SGCZ: variants seen among roughly 807,000 people sequenced by gnomAD.
SGCZ encodes the protein sarcoglycan zeta.
Under a neutral mutation model 41.3 loss-of-function variants are expected in SGCZ, and 40 were observed. The observed-to-expected ratio is 0.97, with a 90% CI of 0.75 to 1.26. The LOEUF is 1.26. Ranked by LOEUF, SGCZ falls within the 50% of genes most tolerant of loss-of-function variation. The probability of loss-of-function intolerance (pLI) is 0.00; values close to 1 mark genes in which losing one functional copy is unlikely to be tolerated. For missense variants in SGCZ, 552 were observed against 369.8 expected, an observed-to-expected ratio of 1.49 and a Z score of -4.04; for synonymous variants, 206 against 137.5, an observed-to-expected ratio of 1.50 and a Z score of -3.49.
At chr8:15,021,646 G>A (rs1195373134) in intron 1 of SGCZ, among the ~76,000 whole-genome samples, 1 of 152,230 alleles carries the variant, frequency 6.6e-6, no homozygotes, top group Non-Finnish European at 1.5e-5. Flanking sequence ...TGCGTGGGAT[G>A]TGACGTGTTA....
intron 1 of SGCZ, among the ~76,000 whole-genome samples, chr8:14,725,249 A>C (rs182145505): frequency 2.4e-4 from 36 of 152,324 alleles, no homozygotes; most frequent in Non-Finnish European, 2.9e-5. Context: ...GTTGATAGAC[A>C]CTTAATTCCC....
chr8:15,157,622 T>G (rs1227534994), intron 1 of SGCZ, among the ~76,000 whole-genome samples: 1 of 152,156 alleles, frequency 6.6e-6, no homozygotes, highest in East Asian at 1.9e-4. Flanking sequence ...CTACTAGGCT[T>G]ACAGCTCTGG....
At chr8:14,567,782 C>G (rs1383156684) in intron 1 of SGCZ, among the ~76,000 whole-genome samples, 1 of 152,186 alleles carries the variant, frequency 6.6e-6, no homozygotes, top group African/African-American at 2.4e-5. Context: ...CACGAACCCA[C>G]TGGGAGGAAT....
At chr8:15,011,507 AAATCTTT>A (rs1156293633) in intron 1 of SGCZ, among the ~76,000 whole-genome samples, 1 of 152,228 alleles carries the variant, frequency 6.6e-6, no homozygotes, top group African/African-American at 2.4e-5. Flanking sequence ...GAAATAATTT[AAATCTTT>A]AAGTTTACCT....
intron 1 of SGCZ, among the ~76,000 whole-genome samples, chr8:14,815,944 A>T (rs923101146): frequency 6.6e-6 from 1 of 152,214 alleles, no homozygotes; most frequent in Non-Finnish European, 1.5e-5. Flanking sequence ...CCTCTTTAGA[A>T]GCATCATCCA....
chr8:15,237,453 TC>T, intron 1 of SGCZ, 131 bp downstream of exon 1: 2 of 1,079,166 alleles, frequency 1.9e-6, no homozygotes, highest in East Asian at 2.6e-5. Flanking sequence ...CGGGTGCGCG[TC>T]CCCCCAACGC....
chr8:14,375,428 T>C (rs924655300), intron 2 of SGCZ, among the ~76,000 whole-genome samples: 28 of 152,258 alleles, frequency 1.8e-4, no homozygotes. Context: ...ACATAATTAT[T>C]AGGAAGGTTG....
At chr8:14,268,459 T>C (rs1799951327) in intron 3 of SGCZ, among the ~76,000 whole-genome samples, 1 of 151,696 alleles carries the variant, frequency 6.6e-6, no homozygotes, top group Non-Finnish European at 1.5e-5. Context: ...GGCATTCAAA[T>C]AGTTAATACT....
At chr8:14,908,733 G>C (rs1485188275) in intron 1 of SGCZ, among the ~76,000 whole-genome samples, 1 of 108,724 alleles carries the variant, frequency 9.2e-6, no homozygotes, top group Non-Finnish European at 1.7e-5. Flanking sequence ...CTGGTGATCT[G>C]TCACCGTTGC....
At chr8:15,041,621 C>T (rs576885734) in intron 1 of SGCZ, among the ~76,000 whole-genome samples, 1 of 152,130 alleles carries the variant, frequency 6.6e-6, no homozygotes, top group East Asian at 1.9e-4. Flanking sequence ...AATGCATATA[C>T]TGATTTTAAT....
intron 2 of SGCZ, among the ~76,000 whole-genome samples, chr8:14,453,223 A>C (rs983047429): frequency 1.3e-5 from 2 of 152,178 alleles, no homozygotes; most frequent in African/African-American, 4.8e-5. Flanking sequence ...TAAACATAAA[A>C]ATTTTCTATT....
At chr8:14,114,274 T>G (rs1055674175) in intron 5 of SGCZ, among the ~76,000 whole-genome samples, 3 of 152,050 alleles carry the variant, frequency 2.0e-5, no homozygotes, top group African/African-American at 4.8e-5. Flanking sequence ...ATGCTAAGTT[T>G]CTGTTTCCTA....
At chr8:14,400,286 T>A (rs1799035695) in intron 2 of SGCZ, among the ~76,000 whole-genome samples, 2 of 152,180 alleles carry the variant, frequency 1.3e-5, no homozygotes, top group African/African-American at 2.4e-5. Flanking sequence ...TTGTTACCAC[T>A]TTCTGGCTAT....
chr8:14,680,537 C>G (rs1455011775), intron 1 of SGCZ, among the ~76,000 whole-genome samples: 2 of 151,548 alleles, frequency 1.3e-5, no homozygotes, highest in Non-Finnish European at 2.9e-5. Context: ...AAATAAAAAT[C>G]ACTCATATAA....
intron 2 of SGCZ, among the ~76,000 whole-genome samples, chr8:14,459,604 A>G (rs1266647113): frequency 6.6e-6 from 1 of 152,132 alleles, no homozygotes; most frequent in Non-Finnish European, 1.5e-5. Context: ...ATCTCAAGAC[A>G]TTTATTAATT....
At chr8:14,236,946 G>C (rs982047213) in intron 4 of SGCZ, among the ~76,000 whole-genome samples, 8 of 151,662 alleles carry the variant, frequency 5.3e-5, no homozygotes, top group African/African-American at 1.7e-4. Context: ...AACACATAAA[G>C]CCTATAAATC....
chr8:14,721,185 C>T (rs1283575043), intron 1 of SGCZ, among the ~76,000 whole-genome samples: 1 of 152,116 alleles, frequency 6.6e-6, no homozygotes, highest in Non-Finnish European at 1.5e-5. Context: ...TGAACCTCTT[C>T]TTTGTTACTA....
intron 1 of SGCZ, among the ~76,000 whole-genome samples, chr8:14,921,565 C>T (rs867835416): frequency 2.6e-5 from 4 of 151,622 alleles, no homozygotes; most frequent in Admixed American, 6.6e-5. Flanking sequence ...AAATAAGCTA[C>T]TCAGTGGGCA....
intron 1 of SGCZ, among the ~76,000 whole-genome samples, chr8:14,989,626 T>A (rs998948240): frequency 6.6e-6 from 1 of 152,106 alleles, no homozygotes; most frequent in Non-Finnish European, 1.5e-5. Flanking sequence ...ATGAAAATCA[T>A]AAAATGACTA....
Sources: gnomAD v4.1 joint callset for allele counts (sites outside exome capture counted in the v4.1 genomes callset) on GRCh38, gnomAD v4.1.1 for gene constraint, MANE v1.5 for transcripts, NCBI Gene and HGNC (gene_info 2026-07-23, HGNC 2026-07-21) for gene names.